DPYD: variants seen among roughly 807,000 people sequenced by gnomAD.
DPYD encodes the protein dihydropyrimidine dehydrogenase [NADP(+)].
Under a neutral mutation model 116.2 loss-of-function variants are expected in DPYD, and 109 were observed. The observed-to-expected ratio is 0.94, with a 90% CI of 0.80 to 1.10. DPYD has a LOEUF of 1.10. DPYD is among the 50% of genes least tolerant of loss of function. The pLI is 0.00. For synonymous variants in DPYD, 440 were observed against 432.0 expected, an observed-to-expected ratio of 1.02 and a Z score of -0.23; for missense variants, 1,302 against 1,254.5, an observed-to-expected ratio of 1.04 and a Z score of -0.57.
At chr1:97,473,275 T>C (rs1463317889) in intron 13 of DPYD, among the ~76,000 whole-genome samples, 1 of 152,242 alleles carries the variant, frequency 6.6e-6, no homozygotes, top group African/African-American at 2.4e-5. Context: ...TAATGTCTTC[T>C]AGGTTCATCC....
intron 8 of DPYD, among the ~76,000 whole-genome samples, chr1:97,624,923 T>C (rs1656841428): frequency 6.6e-6 from 1 of 152,020 alleles, no homozygotes; most frequent in South Asian, 2.1e-4. Context: ...AACTCATAGA[T>C]GCAAAGAGGA....
intron 18 of DPYD, among the ~76,000 whole-genome samples, chr1:97,266,262 T>A (rs1664217614): frequency 6.6e-6 from 1 of 152,194 alleles, no homozygotes; most frequent in African/African-American, 2.4e-5. Flanking sequence ...TGGCTTAGCA[T>A]ATCAAGGGAG....
intron 19 of DPYD, among the ~76,000 whole-genome samples, chr1:97,232,169 A>C (rs1243629080): frequency 2.6e-5 from 4 of 152,134 alleles, no homozygotes; most frequent in Non-Finnish European, 5.9e-5. Context: ...TCATTTCTGA[A>C]GGATACAGGA....
intron 3 of DPYD, among the ~76,000 whole-genome samples, chr1:97,775,700 T>C (rs74107711): frequency 0.029 from 4,475 of 152,276 alleles, 213 homozygotes; most frequent in African/African-American, 0.098. Flanking sequence ...TAATCTGTCT[T>C]CCTCCTCAGG....
chr1:97,532,004 A>T (rs1196920996), intron 12 of DPYD, among the ~76,000 whole-genome samples: 1 of 151,854 alleles, frequency 6.6e-6, no homozygotes, highest in Non-Finnish European at 1.5e-5. Flanking sequence ...TTAGATCTCC[A>T]GTTTTTGTGT....
At chr1:97,617,879 T>C (rs931976038) in intron 8 of DPYD, among the ~76,000 whole-genome samples, 14 of 152,104 alleles carry the variant, frequency 9.2e-5, no homozygotes, top group Admixed American at 8.5e-4. Context: ...AGTTATCACC[T>C]CGAAATAAGG....
chr1:97,751,429 CGTGTGTGTGTGTGTGT>C (rs564067118), intron 3 of DPYD, among the ~76,000 whole-genome samples: 1 of 53,064 alleles, frequency 1.9e-5, no homozygotes, highest in African/African-American at 7.7e-5. Context: ...TATATGTATA[CGTGTGTGTGTGTGTGT>C]GTGTGTGTGT....
chr1:97,579,154 C>T (rs1047035910), intron 10 of DPYD, among the ~76,000 whole-genome samples: 6 of 152,108 alleles, frequency 3.9e-5, no homozygotes, highest in African/African-American at 1.2e-4. Flanking sequence ...GAATATATGC[C>T]AGTCAATAAG....
intron 19 of DPYD, among the ~76,000 whole-genome samples, chr1:97,197,192 T>C (rs1364685355): frequency 6.6e-6 from 1 of 152,140 alleles, no homozygotes; most frequent in Non-Finnish European, 1.5e-5. Context: ...TGAACATTAA[T>C]TAGGCCTGTT....
At chr1:97,171,950 A>G (rs2101771220) in intron 20 of DPYD, among the ~76,000 whole-genome samples, 1 of 152,326 alleles carries the variant, frequency 6.6e-6, no homozygotes, top group East Asian at 1.9e-4. Flanking sequence ...ATGGAAAGAT[A>G]AAGATAAAGG....
chr1:97,291,694 G>A (rs1463452054), intron 18 of DPYD, among the ~76,000 whole-genome samples: 3 of 151,972 alleles, frequency 2.0e-5, no homozygotes, highest in Non-Finnish European at 4.4e-5. Flanking sequence ...TTGTGGGGTG[G>A]GGGGAGTGGG....
intron 14 of DPYD, among the ~76,000 whole-genome samples, chr1:97,423,378 G>C (rs778192619): frequency 2.0e-5 from 3 of 151,996 alleles, no homozygotes; most frequent in Non-Finnish European, 4.4e-5. Context: ...ATGGCTAAGT[G>C]GGGTAGGTGG....
In DPYD at chr1:97,549,705, C is replaced by T. The variant is rs1651172375; in HGVS notation, c.1379G>A (p.Gly460Asp). 6 of 1,613,688 alleles carry T rather than the reference C, an allele frequency of 3.7e-6. No individual in the cohort carries two copies. The highest frequency in any genetic ancestry group is 5.1e-6 in the Non-Finnish European group (6 of 1,179,816). The change falls in exon 12 of 23, where the codon GGT (glycine) becomes GAT (aspartate). Residue 460 changes from glycine (G) to aspartate (D), a missense_variant. Gly to Asp is a moderately conservative substitution (Grantham distance 94). Transcript: ENST00000370192. The stretch of plus-strand genomic sequence containing the variant: ...AGTTTCTGGATCTACTTCTGGGAGA[C>T]CCCATCTGTTAAATTTTATAGGGCT... Reference protein sequence around the residue: ...ALSPIKFNRWGLPEVDPETMQ... With the variant: ...ALSPIKFNRWDLPEVDPETMQ...
chr1:97,415,338 T>C (rs1042263343), intron 14 of DPYD, among the ~76,000 whole-genome samples: 1 of 152,134 alleles, frequency 6.6e-6, no homozygotes, highest in Non-Finnish European at 1.5e-5. Context: ...TCTACAATTA[T>C]ATTATTATTA....
chr1:97,802,189 TG>T (rs1667878673), intron 3 of DPYD, among the ~76,000 whole-genome samples: 2 of 151,870 alleles, frequency 1.3e-5, no homozygotes, highest in Admixed American at 6.6e-5. Context: ...CAGATAAATT[TG>T]TAGTTGGATA....
intron 2 of DPYD, among the ~76,000 whole-genome samples, chr1:97,874,852 A>T (rs1671827818): frequency 6.6e-6 from 1 of 151,878 alleles, no homozygotes; most frequent in African/African-American, 2.4e-5. Context: ...GACAACAGAG[A>T]TTTTTAAGAT....
At chr1:97,454,828 G>T (rs748886471) in intron 13 of DPYD, among the ~76,000 whole-genome samples, 6 of 151,802 alleles carry the variant, frequency 4.0e-5, no homozygotes, top group Non-Finnish European at 8.9e-5. Flanking sequence ...AACACAAAAA[G>T]AAAACTTTGC....
At chr1:97,686,580 T>G (rs1212635559) in intron 7 of DPYD, among the ~76,000 whole-genome samples, 3 of 126,678 alleles carry the variant, frequency 2.4e-5, no homozygotes, top group African/African-American at 3.1e-5. Context: ...GAGCTTGCAG[T>G]GAGCCGAGAT....
At chr1:97,697,120 C>T (rs150891351) in intron 6 of DPYD, among the ~76,000 whole-genome samples, 300 of 152,206 alleles carry the variant, frequency 2.0e-3, no homozygotes, top group African/African-American at 6.7e-3. Context: ...CCCTGTTAAA[C>T]TCGTGTCCTA....
Sources: allele counts gnomAD v4.1 joint callset (sites outside exome capture counted in the v4.1 genomes callset), GRCh38; gene constraint gnomAD v4.1.1; transcripts MANE v1.5; gene names NCBI Gene and HGNC (gene_info 2026-07-23, HGNC 2026-07-21).